The following CSRP2 variants were observed in gnomAD, a reference collection of about 807,000 sequenced individuals.
CSRP2 encodes cysteine and glycine rich protein 2, also known as cysteine and glycine-rich protein 2.
Under a neutral mutation model 24.6 loss-of-function variants are expected in CSRP2, and 18 were observed. The ratio of observed to expected loss-of-function variants is 0.73; its 90% confidence interval spans 0.51 to 1.09. The LOEUF is 1.09. CSRP2 is among the 50% of genes least tolerant of loss of function. The pLI is 0.00. For missense variants in CSRP2, 215 were observed against 239.4 expected, an observed-to-expected ratio of 0.90 and a Z score of 0.67; for synonymous variants, 87 against 84.3, an observed-to-expected ratio of 1.03 and a Z score of -0.18.
At chr12:76,877,732 T>G (rs1953865438) in intron 1 of CSRP2, among the ~76,000 whole-genome samples, 1 of 152,182 alleles carries the variant, frequency 6.6e-6, no homozygotes, top group South Asian at 2.1e-4. Flanking sequence ...ACAACATTCT[T>G]TGTAGCTTGG....
At chr12:76,860,487 T>C in intron 3 of CSRP2, 74 bp from the exon 4 acceptor site, 2 of 1,550,094 alleles carry the variant, frequency 1.3e-6, no homozygotes, top group East Asian at 4.5e-5. Context: ...GCAGGAACAA[T>C]AGAACTCTGG....
At chr12:76,862,140 G>C (rs781691713) in intron 3 of CSRP2, 1 of 152,160 alleles carries the variant, frequency 6.6e-6, no homozygotes, top group Non-Finnish European at 1.5e-5. Context: ...TTGTCCAAAG[G>C]CCATTTTGTT....
intron 2 of CSRP2, chr12:76,863,840 G>GGGAA (rs1388806201): frequency 6.6e-6 from 1 of 152,226 alleles, no homozygotes; most frequent in East Asian, 1.9e-4. Flanking sequence ...CAGAACAGAA[G>GGGAA]GGAAGCTCAG....
intron 2 of CSRP2, chr12:76,863,866 G>T (rs1210632455): frequency 6.6e-6 from 1 of 152,198 alleles, no homozygotes; most frequent in Non-Finnish European, 1.5e-5. Flanking sequence ...TCGGGGACTT[G>T]CCTCTGTAGC....
intron 1 of CSRP2, among the ~76,000 whole-genome samples, chr12:76,872,483 T>C (rs1224389785): frequency 6.6e-6 from 1 of 152,250 alleles, no homozygotes; most frequent in African/African-American, 2.4e-5. Flanking sequence ...ACCTTTGATA[T>C]GCAAATGCAG....
intron 1 of CSRP2, among the ~76,000 whole-genome samples, chr12:76,869,178 C>A (rs1953766480): frequency 6.6e-6 from 1 of 152,104 alleles, no homozygotes; most frequent in Admixed American, 6.5e-5. Context: ...CCTCTGGAGG[C>A]CAGGAACACT....
At chr12:76,869,654 A>T (rs1399200251) in intron 1 of CSRP2, among the ~76,000 whole-genome samples, 2 of 152,168 alleles carry the variant, frequency 1.3e-5, no homozygotes, top group Non-Finnish European at 2.9e-5. Context: ...TTAACCAGAC[A>T]GGAACAAAGT....
intron 3 of CSRP2, chr12:76,862,677 C>T (rs1953694277): frequency 1.7e-6 from 2 of 1,164,500 alleles, no homozygotes; most frequent in Middle Eastern, 5.4e-4. Flanking sequence ...TTTAACACTA[C>T]TCTCTCAAAG....
intron 5 of CSRP2, 184 bp downstream of exon 5, chr12:76,859,363 G>A: frequency 1.7e-6 from 1 of 602,546 alleles, no homozygotes; most frequent in South Asian, 2.2e-5. Flanking sequence ...TATCTGGTGG[G>A]GAGTTTTAAA....
intron 1 of CSRP2, among the ~76,000 whole-genome samples, chr12:76,867,499 ACT>A (rs985389407): frequency 9.9e-5 from 15 of 151,986 alleles, no homozygotes; most frequent in African/African-American, 3.4e-4. Context: ...ACAGAGCGAG[ACT>A]CTGACGAAAA....
At chr12:76,860,207 A>G in intron 4 of CSRP2, 77 bp downstream of exon 4, 1 of 1,451,480 alleles carries the variant, frequency 6.9e-7, no homozygotes, top group Non-Finnish European at 9.4e-7. Flanking sequence ...CACCCAAGCA[A>G]GGAATGTGGA....
chr12:76,861,266 T>A (rs1953673954), intron 3 of CSRP2: 4 of 151,730 alleles, frequency 2.6e-5, no homozygotes, highest in Admixed American at 2.6e-4. Context: ...AATGTCTTCC[T>A]AGCACTTTGG....
intron 2 of CSRP2, chr12:76,864,817 G>A (rs191156754): frequency 8.5e-5 from 13 of 152,242 alleles, no homozygotes; most frequent in African/African-American, 2.6e-4. Context: ...CTCAAGTGCT[G>A]AAATACATGT....
At chr12:76,865,415 C>G (rs1424637775) in intron 2 of CSRP2, among the ~76,000 whole-genome samples, 1 of 152,162 alleles carries the variant, frequency 6.6e-6, no homozygotes, top group East Asian at 1.9e-4. Flanking sequence ...TTGTCTGCTT[C>G]TGGTTGTCTG....
Position 76,860,383 on chromosome 12 carries a change from T to G in CSRP2, c.312A>C (p.Pro104=), listed in dbSNP as rs746637559. Residue 104 remains proline, a synonymous_variant, in exon 4 of 6, where the codon CCA becomes CCC. Coordinates refer to ENST00000311083, the MANE Select transcript of CSRP2 (RefSeq NM_001321.3). The part of the protein sequence containing the change: ...SVQPHRPTTN[P]NTSKFAQKYG... ...ATTTCTGAGCAAATTTAGAAGTGTT[T>G]GGATTTGTTGTAGGCCTGTGAGGCT... is the stretch of plus-strand genomic sequence containing the variant. 6.2e-7 allele frequency: 1 copy of G among 1,614,016 alleles called. No homozygotes were observed. Among genetic ancestry groups the G allele is most frequent in the Non-Finnish European group, 8.5e-7 (1 of 1,179,952 alleles).
At chr12:76,866,682 G>A (rs1342850926) in intron 1 of CSRP2, among the ~76,000 whole-genome samples, 1 of 152,096 alleles carries the variant, frequency 6.6e-6, no homozygotes, top group Non-Finnish European at 1.5e-5. Context: ...CTTGGGTGGA[G>A]GTTTTCATTA....
rs748157205 is a variant in CSRP2 at position 76,858,953 on chromosome 12, T to C, written c.581A>G (p.Ter194=). Residue 194 remains the stop codon, a stop_retained_variant, in exon 6 of 6, where the codon TAA becomes TGA. Coordinates refer to ENST00000311083, the MANE Select transcript of CSRP2 (RefSeq NM_001321.3). The stretch of plus-strand genomic sequence containing the variant: ...GATGTTTAGTTCAGGGTTTACATCT[T>C]ACTGGGCATGAACAAGAGCCCCTGC... ...QGAGALVHAQ[*] The C allele has an allele frequency of 3.1e-6, 5 of 1,613,872 alleles. No individual in the cohort carries two copies. In the South Asian group the frequency reaches 4.4e-5, roughly 14 times the overall value.
rs145221093 is a variant in CSRP2, at chr12:76,869,226, C to T, written c.-1-2965G>A. ...GCAGAAGAGCAGAGGAGGGTGAACC[C>T]GCTCCCACCAGGCCTTTTTATGGTG... On this transcript the variant is annotated intron_variant, in intron 1 of 5. Transcript: ENST00000311083. 7.1e-4 allele frequency among the ~76,000 whole-genome samples: 108 copies of T among 152,120 alleles called. 1 individual carries two copies. Among genetic ancestry groups the T allele is most frequent in the African/African-American group, 2.1e-3 (87 of 41,506 alleles).
At position 76,863,341 on chromosome 12, in the gene CSRP2, A is replaced by G. The variant is rs1180351448; in HGVS notation, c.116T>C (p.Val39Ala). 1.2e-6 allele frequency: 2 copies of G among 1,613,892 alleles called. No homozygotes were observed. The highest frequency in any genetic ancestry group is 1.7e-5 in the Admixed American group (1 of 60,006). Residue 39 changes from valine (V) to alanine (A), a missense_variant, in exon 3 of 6, where the codon GTT becomes GCT. Coordinates refer to ENST00000311083, the MANE Select transcript of CSRP2 (RefSeq NM_001321.3). ...SFHRCCFLCM[V>A]CRKNLDSTTV... Reference sequence around the variant, plus strand: ...TGTGCTATCTAAATTTTTCCTGCAAACCACTGCAGGGGAAAAAGTTAGACT... The same window carrying G: ...TGTGCTATCTAAATTTTTCCTGCAAGCCACTGCAGGGGAAAAAGTTAGACT...
Sources: gnomAD v4.1 joint callset for allele counts (sites outside exome capture counted in the v4.1 genomes callset) on GRCh38, gnomAD v4.1.1 for gene constraint, MANE v1.5 for transcripts, NCBI Gene and HGNC (gene_info 2026-07-23, HGNC 2026-07-21) for gene names.